GNG4: variants seen among roughly 807,000 people sequenced by gnomAD.
GNG4 encodes the protein G protein subunit gamma 4.
Under a neutral mutation model 5.8 loss-of-function variants are expected in GNG4, and 4 were observed. The observed-to-expected ratio is 0.69, with a 90% CI of 0.34 to 1.57. GNG4 has a LOEUF of 1.57. GNG4 is among the 40% of genes most tolerant of loss of function. The probability of loss-of-function intolerance (pLI) is 0.06; values close to 1 mark genes in which losing one functional copy is unlikely to be tolerated. For missense variants in GNG4, 96 were observed against 95.1 expected, an observed-to-expected ratio of 1.01 and a Z score of -0.04; for synonymous variants, 29 against 32.9, an observed-to-expected ratio of 0.88 and a Z score of 0.41.
chr1:235,567,359 T>C (rs1409834825), intron 3 of GNG4, among the ~76,000 whole-genome samples: 5 of 152,212 alleles, frequency 3.3e-5, no homozygotes, highest in Non-Finnish European at 7.3e-5. Context: ...TTTTTAAGTA[T>C]ATAGTTCAGT....
intron 1 of GNG4, among the ~76,000 whole-genome samples, chr1:235,606,243 A>C (rs1230949637): frequency 1.3e-5 from 2 of 152,162 alleles, no homozygotes; most frequent in Non-Finnish European, 2.9e-5. Flanking sequence ...TTAGCCAGGC[A>C]TGGTGGCATG....
chr1:235,646,839 C>T (rs1330118518), intron 1 of GNG4, among the ~76,000 whole-genome samples: 1 of 152,232 alleles, frequency 6.6e-6, no homozygotes, highest in Non-Finnish European at 1.5e-5. Context: ...CTGAACTGAT[C>T]TCTTTTTAAG....
chr1:235,590,548 C>T (rs1558487894), intron 2 of GNG4, among the ~76,000 whole-genome samples: 1 of 152,202 alleles, frequency 6.6e-6, no homozygotes, highest in Non-Finnish European at 1.5e-5. Context: ...GAAAAGCCGT[C>T]TTTCGGGAGC....
chr1:235,553,543 TAAAAATTGGCTCATCTTTCAGCA>T (rs1226150921), intron 3 of GNG4, among the ~76,000 whole-genome samples: 4 of 152,218 alleles, frequency 2.6e-5, no homozygotes, highest in African/African-American at 9.6e-5. Context: ...TTCTGGGTTT[TAAAAATTGGCTCATCTTTCAGCA>T]TTTTACAGAG....
rs891514906 is a variant in GNG4 at position 235,642,959 on chromosome 1, G to A, written c.-123+6703C>T. ...CCCTCGTCCATCCATGCTCAGTCTG[G>A]AAACCCTGGGATCCCAGACACCAGC... is the stretch of plus-strand genomic sequence containing the variant. On this transcript the variant is annotated intron_variant, in intron 1 of 3. Transcript: ENST00000391854. The surrounding 1 kb of genome is among the most constrained non-coding windows in gnomAD (Gnocchi z 4.3). 5.3e-5 allele frequency among the ~76,000 whole-genome samples: 8 copies of A among 152,250 alleles called. No homozygotes were observed. The highest frequency in any genetic ancestry group is 8.8e-5 in the Non-Finnish European group (6 of 68,014).
intron 1 of GNG4, among the ~76,000 whole-genome samples, chr1:235,607,093 C>T (rs1688379360): frequency 6.6e-6 from 1 of 151,880 alleles, no homozygotes; most frequent in Non-Finnish European, 1.5e-5. Context: ...TGCGCACCAC[C>T]ACACCCAGCT....
Position 235,597,588 on chromosome 1 carries a change from C to CTGTGTGTG in GNG4, c.-122-2085_-122-2078dup, listed in dbSNP as rs386417904. Among the ~76,000 whole-genome samples, 46 of 74,250 alleles carry CTGTGTGTG rather than the reference C, an allele frequency of 6.2e-4. 1 individual carries two copies. The highest frequency in any genetic ancestry group is 2.5e-3 in the South Asian group (4 of 1,580). 48.7% of individuals were successfully genotyped at this position (74,250 alleles called of 152,430 possible). ...TTTGTTTTTTTTTTTAACTTGTTTG[C>CTGTGTGTG]TGTGTGTGTGTGTGTGTGTGTGTGT... On this transcript the variant is annotated intron_variant, in intron 1 of 3. Coordinates refer to ENST00000391854, the MANE Select transcript of GNG4 (RefSeq NM_001098722.2).
At chr1:235,557,999 G>C (rs113371232) in intron 3 of GNG4, among the ~76,000 whole-genome samples, 1 of 152,190 alleles carries the variant, frequency 6.6e-6, no homozygotes, top group African/African-American at 2.4e-5. Flanking sequence ...TTTCTTGCAA[G>C]AAAACGAGTT....
chr1:235,619,621 G>A (rs563075558), intron 1 of GNG4, among the ~76,000 whole-genome samples: 1 of 152,272 alleles, frequency 6.6e-6, no homozygotes, highest in South Asian at 2.1e-4. Flanking sequence ...ACTCCTGATA[G>A]GATTATGGTC....
Position 235,649,630 on chromosome 1 carries a change from A to G in GNG4, c.-123+32T>C, listed in dbSNP as rs1657609056. The G allele has an allele frequency of 6.6e-6, 1 of 151,940 alleles. No individual in the cohort carries two copies. Among genetic ancestry groups the G allele is most frequent in the African/African-American group, 2.4e-5 (1 of 41,340 alleles). The allele number at this position is 151,940 out of a possible 1,614,324, so 9.4% of individuals were successfully genotyped here. A position where few individuals can be genotyped will look rare whatever the true frequency, so the allele number is the denominator to read the frequency against. The stretch of plus-strand genomic sequence containing the variant: ...GCACCGGGCTGGGCTCTCCCCGCGG[A>G]CACCCGGGGCTCCGGCCGGGCGCCC... On this transcript the variant is annotated intron_variant, in intron 1 of 3. Coordinates refer to ENST00000391854, the MANE Select transcript of GNG4 (RefSeq NM_001098722.2). This position sits in a 1 kb window ranked among gnomAD's most constrained non-coding sequence, Gnocchi z 5.7.
chr1:235,644,980 C>T lies in GNG4; in HGVS notation c.-123+4682G>A, dbSNP rs1389476596. On this transcript the variant is annotated intron_variant, in intron 1 of 3. Coordinates refer to ENST00000391854, the MANE Select transcript of GNG4 (RefSeq NM_001098722.2). This position sits in a 1 kb window ranked among gnomAD's most constrained non-coding sequence, Gnocchi z 5.9. The stretch of plus-strand genomic sequence containing the variant: ...CACTCCGTCCACATGGGCCCCGGGC[C>T]GCCAGAGACCCCAGGGCCCACGTGG... Among the ~76,000 whole-genome samples, 10 of 152,254 alleles carry T rather than the reference C, an allele frequency of 6.6e-5. No homozygotes were observed. The highest frequency in any genetic ancestry group is 1.7e-4 in the African/African-American group (7 of 41,560).
intron 1 of GNG4, among the ~76,000 whole-genome samples, chr1:235,611,778 T>A (rs1688479791): frequency 2.0e-5 from 3 of 152,006 alleles, no homozygotes; most frequent in Non-Finnish European, 4.4e-5. Flanking sequence ...TATGATGAAG[T>A]ATTGGCCAGG....
At chr1:235,595,158 C>T (rs1688094635) in intron 2 of GNG4, among the ~76,000 whole-genome samples, 1 of 152,200 alleles carries the variant, frequency 6.6e-6, no homozygotes, top group Admixed American at 6.5e-5. Flanking sequence ...CCAACAGGTG[C>T]ACATCCATTC....
At chr1:235,563,730 T>C (rs1687127764) in intron 3 of GNG4, among the ~76,000 whole-genome samples, 1 of 152,222 alleles carries the variant, frequency 6.6e-6, no homozygotes, top group Non-Finnish European at 1.5e-5. Context: ...CTGACACACA[T>C]GTGCCAGACT....
chr1:235,558,171 C>T (rs1048409721), intron 3 of GNG4, among the ~76,000 whole-genome samples: 6 of 152,170 alleles, frequency 3.9e-5, no homozygotes, highest in African/African-American at 1.4e-4. Context: ...TCAGTTTAAG[C>T]CCGAATGTGT....
At chr1:235,562,461 A>G (rs1418344739) in intron 3 of GNG4, among the ~76,000 whole-genome samples, 3 of 152,058 alleles carry the variant, frequency 2.0e-5, no homozygotes, top group Admixed American at 6.6e-5. Context: ...AGCCTGGCCA[A>G]TATGGCGAAA....
intron 3 of GNG4, among the ~76,000 whole-genome samples, chr1:235,576,129 G>C (rs554485477): frequency 6.7e-6 from 1 of 149,316 alleles, no homozygotes; most frequent in Non-Finnish European, 1.5e-5. Context: ...GGCGTGATCT[G>C]GGCTCACTGA....
At chr1:235,635,183 C>T (rs6429208) in intron 1 of GNG4, among the ~76,000 whole-genome samples, 88,307 of 151,908 alleles carry the variant, frequency 0.58, 26,171 homozygotes, top group East Asian at 0.85. Context: ...ATCAGACAAA[C>T]GCAGTCTCTT....
At chr1:235,573,503 T>C (rs1185766511) in intron 3 of GNG4, among the ~76,000 whole-genome samples, 1 of 149,488 alleles carries the variant, frequency 6.7e-6, no homozygotes, top group African/African-American at 2.5e-5. Flanking sequence ...CACGGCCCGG[T>C]GCGGTAGCTC....
Sources: gnomAD v4.1 joint callset for allele counts (sites outside exome capture counted in the v4.1 genomes callset) on GRCh38, gnomAD v4.1.1 for gene constraint, Gnocchi (gnomAD v3.1) non-coding constraint, MANE v1.5 for transcripts, NCBI Gene and HGNC (gene_info 2026-07-23, HGNC 2026-07-21) for gene names.